The following PPP4R2 variants were observed in gnomAD, a reference collection of about 807,000 sequenced individuals.
PPP4R2 encodes the protein protein phosphatase 4 regulatory subunit 2.
PPP4R2 carries 13 observed loss-of-function variants against 47.2 expected under a neutral mutation model. The ratio of observed to expected loss-of-function variants is 0.28; its 90% confidence interval spans 0.18 to 0.44. The LOEUF (loss-of-function observed/expected upper bound fraction) is 0.44. Among genes scored for constraint, PPP4R2 ranks in the 20% least tolerant of loss-of-function variants. The pLI, the probability that PPP4R2 is intolerant of heterozygous loss-of-function variation, is 1.00. For missense variants in PPP4R2, 421 were observed against 491.2 expected, an observed-to-expected ratio of 0.86 and a Z score of 1.35; for synonymous variants, 151 against 163.3, an observed-to-expected ratio of 0.92 and a Z score of 0.57.
intron 4 of PPP4R2, 24 bp from the exon 5 acceptor site, chr3:73,060,999 A>G: frequency 1.3e-6 from 2 of 1,526,958 alleles, no homozygotes; most frequent in Non-Finnish European, 1.8e-6. Context: ...CTTCATACTA[A>G]ATCACTGATT....
intron 1 of PPP4R2, among the ~76,000 whole-genome samples, chr3:72,997,702 G>C (rs894624991): frequency 6.6e-6 from 1 of 152,170 alleles, no homozygotes; most frequent in Non-Finnish European, 1.5e-5. Context: ...GGGGTAGTTG[G>C]TGCTTCTTAG....
At chr3:73,021,047 C>T (rs1392835946) in intron 2 of PPP4R2, among the ~76,000 whole-genome samples, 1 of 151,996 alleles carries the variant, frequency 6.6e-6, no homozygotes, top group African/African-American at 2.4e-5. Flanking sequence ...AAGATTTGTG[C>T]ATTAGTCTAT....
chr3:73,021,649 G>T (rs1701961523), intron 2 of PPP4R2, among the ~76,000 whole-genome samples: 1 of 152,046 alleles, frequency 6.6e-6, no homozygotes, highest in African/African-American at 2.4e-5. Flanking sequence ...CACAGTATTT[G>T]TGTAATTCCT....
At chr3:73,051,727 G>A (rs1272631342) in intron 3 of PPP4R2, among the ~76,000 whole-genome samples, 1 of 152,148 alleles carries the variant, frequency 6.6e-6, no homozygotes, top group Non-Finnish European at 1.5e-5. Context: ...CCGGGTTCAT[G>A]CCATTCTCCT....
chr3:73,043,078 G>A (rs973692644), intron 2 of PPP4R2, among the ~76,000 whole-genome samples: 2 of 146,220 alleles, frequency 1.4e-5, no homozygotes, highest in African/African-American at 2.6e-5. Context: ...TGTGCATATG[G>A]AAATCTGAAC....
At chr3:72,999,923 A>G (rs1701425037) in intron 2 of PPP4R2, among the ~76,000 whole-genome samples, 1 of 152,284 alleles carries the variant, frequency 6.6e-6, no homozygotes, top group Admixed American at 6.5e-5. Flanking sequence ...ATTTCTTTTT[A>G]TCAACATGGC....
chr3:73,028,252 G>A (rs1236283585), intron 2 of PPP4R2, among the ~76,000 whole-genome samples: 5 of 78,806 alleles, frequency 6.3e-5, no homozygotes, highest in African/African-American at 6.9e-5. Context: ...GCAAGACTCC[G>A]TCTCAAAAAA....
intron 5 of PPP4R2, chr3:73,062,359 C>T: frequency 6.2e-7 from 1 of 1,604,966 alleles, no homozygotes; most frequent in Non-Finnish European, 8.5e-7. Context: ...GCATTGGAAC[C>T]CCAACCCAGC....
chr3:73,065,017 T>C lies in PPP4R2; in HGVS notation c.804T>C (p.Ile268=), dbSNP rs749363974. 5.6e-6 allele frequency: 9 copies of C among 1,613,916 alleles called. No homozygotes were observed. Among genetic ancestry groups the C allele is most frequent in the Admixed American group, 3.3e-5 (2 of 60,008 alleles). ...ETASQTTSSE[I]SSVMVGETEA... is the part of the protein sequence containing the mutation. ...CCAGTCAAACGACTTCCAGCGAAAT[T>C]TCTTCAGTTATGGTAGGAGAAACAG... The change falls in exon 8 of 9, where the codon ATT becomes ATC. Residue 268 remains isoleucine, a synonymous_variant. Transcript: ENST00000356692.
chr3:73,034,272 G>C (rs1702222431), intron 2 of PPP4R2, among the ~76,000 whole-genome samples: 1 of 152,124 alleles, frequency 6.6e-6, no homozygotes, highest in Non-Finnish European at 1.5e-5. Context: ...GTGTTAAATG[G>C]TGCCATCATT....
chr3:73,043,994 G>A (rs953521145), intron 2 of PPP4R2, among the ~76,000 whole-genome samples: 2 of 152,094 alleles, frequency 1.3e-5, no homozygotes, highest in African/African-American at 4.8e-5. Context: ...TACAATAGTC[G>A]TTCTTTTTGT....
chr3:73,062,363 A>G (rs768254818), intron 5 of PPP4R2: 13 of 1,606,620 alleles, frequency 8.1e-6, no homozygotes, highest in Middle Eastern at 1.7e-4. Flanking sequence ...TGGAACCCCA[A>G]CCCAGCATTG....
At chr3:73,060,475 T>C (rs1357936407) in intron 4 of PPP4R2, among the ~76,000 whole-genome samples, 7 of 152,174 alleles carry the variant, frequency 4.6e-5, no homozygotes, top group Non-Finnish European at 8.8e-5. Flanking sequence ...ATAATAGGGC[T>C]GGGAGGGGGA....
At chr3:73,005,630 C>T (rs926064936) in intron 2 of PPP4R2, among the ~76,000 whole-genome samples, 1 of 151,754 alleles carries the variant, frequency 6.6e-6, no homozygotes, top group African/African-American at 2.4e-5. Context: ...CGGCGGATCA[C>T]CTGAGGTCGG....
At chr3:73,016,061 C>G (rs553067826) in intron 2 of PPP4R2, 1 of 155,818 alleles carries the variant, frequency 6.4e-6, no homozygotes, top group Non-Finnish European at 1.4e-5. Flanking sequence ...GCCACCATGC[C>G]TGGCCTCTAC....
chr3:73,000,815 T>C (rs1701443152), intron 2 of PPP4R2, among the ~76,000 whole-genome samples: 1 of 152,228 alleles, frequency 6.6e-6, no homozygotes, highest in South Asian at 2.1e-4. Context: ...ATGCTAAATA[T>C]ATAGTATGCG....
chr3:73,007,663 A>G (rs1022826368), intron 2 of PPP4R2, among the ~76,000 whole-genome samples: 1 of 151,590 alleles, frequency 6.6e-6, no homozygotes, highest in Non-Finnish European at 1.5e-5. Context: ...TAATTTTTGT[A>G]TTTTTAGTAG....
chr3:73,005,749 C>G (rs1000613262), intron 2 of PPP4R2, among the ~76,000 whole-genome samples: 1 of 145,556 alleles, frequency 6.9e-6, no homozygotes, highest in African/African-American at 2.6e-5. Flanking sequence ...GGAGAATCAC[C>G]TGATCCCGGG....
chr3:73,056,288 A>T (rs1236624161), intron 3 of PPP4R2, among the ~76,000 whole-genome samples: 1 of 139,202 alleles, frequency 7.2e-6, no homozygotes, highest in Non-Finnish European at 1.7e-5. Flanking sequence ...TCTCCATGGC[A>T]CTTTTTATAC....
Sources: allele counts gnomAD v4.1 joint callset (sites outside exome capture counted in the v4.1 genomes callset), GRCh38; gene constraint gnomAD v4.1.1; transcripts MANE v1.5; gene names NCBI Gene and HGNC (gene_info 2026-07-23, HGNC 2026-07-21).